Variants in GRM8 observed in about 807,000 individuals in gnomAD.
GRM8 encodes glutamate metabotropic receptor 8.
Under a neutral mutation model 87.2 loss-of-function variants are expected in GRM8, and 47 were observed. The observed-to-expected ratio is 0.54, with a 90% CI of 0.43 to 0.69. The LOEUF (loss-of-function observed/expected upper bound fraction) is 0.69. GRM8 is among the 30% of genes least tolerant of loss of function. GRM8 has a pLI of 0.00. For synonymous variants in GRM8, 396 were observed against 404.5 expected, an observed-to-expected ratio of 0.98 and a Z score of 0.25; for missense variants, 1,019 against 1,139.2, an observed-to-expected ratio of 0.89 and a Z score of 1.52.
intron 7 of GRM8, among the ~76,000 whole-genome samples, chr7:126,656,422 T>TA (rs1402457894): frequency 1.3e-5 from 2 of 152,144 alleles, no homozygotes; most frequent in Non-Finnish European, 2.9e-5. Context: ...CTCACTCCTG[T>TA]AAACCTAGCA....
At chr7:126,963,545 A>G (rs1302713472) in intron 3 of GRM8, among the ~76,000 whole-genome samples, 1 of 152,216 alleles carries the variant, frequency 6.6e-6, no homozygotes, top group Non-Finnish European at 1.5e-5. Context: ...AGAGAGCCAA[A>G]TCATGAGTGA....
intron 6 of GRM8, among the ~76,000 whole-genome samples, chr7:126,776,807 G>T (rs533880363): frequency 6.6e-6 from 1 of 152,214 alleles, no homozygotes; most frequent in South Asian, 2.1e-4. Context: ...TTAGAGAACT[G>T]AACAAGATGC....
chr7:126,841,585 T>C (rs1391172873), intron 6 of GRM8, among the ~76,000 whole-genome samples: 1 of 151,860 alleles, frequency 6.6e-6, no homozygotes, highest in African/African-American at 2.4e-5. Context: ...ATAAAAGAAA[T>C]CTGAATGAAG....
At chr7:127,024,014 T>C (rs1347474715) in intron 3 of GRM8, among the ~76,000 whole-genome samples, 3 of 152,110 alleles carry the variant, frequency 2.0e-5, no homozygotes, top group Non-Finnish European at 4.4e-5. Context: ...CCTTTTGATA[T>C]TAAAGTCTTT....
intron 8 of GRM8, among the ~76,000 whole-genome samples, chr7:126,583,171 C>A (rs1287238849): frequency 1.3e-5 from 2 of 151,990 alleles, no homozygotes; most frequent in African/African-American, 4.8e-5. Context: ...GCCTGGCCAA[C>A]ATGGTGAAAC....
intron 7 of GRM8, among the ~76,000 whole-genome samples, chr7:126,658,628 C>G (rs1804799688): frequency 6.6e-6 from 1 of 151,558 alleles, no homozygotes; most frequent in Admixed American, 6.6e-5. Flanking sequence ...ATAAGAAGAC[C>G]ACATTCTAGA....
chr7:127,220,438 CAG>C (rs1362209204), intron 2 of GRM8, among the ~76,000 whole-genome samples: 2 of 152,102 alleles, frequency 1.3e-5, no homozygotes, highest in African/African-American at 4.8e-5. Context: ...AAAATGTTGA[CAG>C]AATACAAAAA....
chr7:126,525,629 G>T (rs930238257), intron 9 of GRM8, among the ~76,000 whole-genome samples: 1 of 152,190 alleles, frequency 6.6e-6, no homozygotes, highest in Non-Finnish European at 1.5e-5. Context: ...CTTGGGTTGT[G>T]CTTCCCTTCT....
chr7:126,732,825 A>G (rs552685961), intron 7 of GRM8, among the ~76,000 whole-genome samples: 1 of 152,268 alleles, frequency 6.6e-6, no homozygotes, highest in Non-Finnish European at 1.5e-5. Flanking sequence ...TTTTCTTAAG[A>G]ATAGTTTAGG....
At chr7:127,008,411 T>C (rs1002733032) in intron 3 of GRM8, among the ~76,000 whole-genome samples, 1 of 152,222 alleles carries the variant, frequency 6.6e-6, no homozygotes, top group African/African-American at 2.4e-5. Context: ...ATGTCAACCA[T>C]CTATATTTTA....
rs1026317528 is a variant in GRM8, at chr7:126,825,212, G to A, written c.1157-55147C>T. 3.9e-5 allele frequency among the ~76,000 whole-genome samples: 6 copies of A among 151,982 alleles called. 1 individual carries two copies. The highest frequency in any genetic ancestry group is 2.0e-4 in the Admixed American group (3 of 15,250). On this transcript the variant is annotated intron_variant, in intron 6 of 10. Coordinates refer to ENST00000339582, the MANE Select transcript of GRM8 (RefSeq NM_000845.3). ...CTCCTGAGTAGCTGGGACTAAAAAT[G>A]CACACCACCATGCCTGGCTAATTTG...
At chr7:126,881,772 G>T (rs562051557) in intron 6 of GRM8, among the ~76,000 whole-genome samples, 1 of 152,270 alleles carries the variant, frequency 6.6e-6, no homozygotes, top group African/African-American at 2.4e-5. Flanking sequence ...GTAATACTCA[G>T]TTTGTATAAT....
chr7:126,797,101 A>C (rs1822036982), intron 6 of GRM8, among the ~76,000 whole-genome samples: 1 of 152,142 alleles, frequency 6.6e-6, no homozygotes. Context: ...TCTAGACTAC[A>C]GAAATGGTCA....
chr7:126,456,238 T>C (rs1442119893), intron 9 of GRM8, among the ~76,000 whole-genome samples: 1 of 151,350 alleles, frequency 6.6e-6, no homozygotes, highest in African/African-American at 2.4e-5. Flanking sequence ...AAGATCCTAG[T>C]AAGGAAAAAG....
chr7:126,673,801 T>C (rs780339835), intron 7 of GRM8, among the ~76,000 whole-genome samples: 30 of 152,168 alleles, frequency 2.0e-4, no homozygotes, highest in Non-Finnish European at 4.3e-4. Flanking sequence ...AAGGAGATAG[T>C]GGGAGAGGTA....
intron 6 of GRM8, among the ~76,000 whole-genome samples, chr7:126,786,064 T>C (rs1163954289): frequency 6.6e-6 from 1 of 152,174 alleles, no homozygotes; most frequent in African/African-American, 2.4e-5. Context: ...TCTCCTCTTA[T>C]AACTCTGTTA....
At chr7:126,913,068 A>ATT (rs1376383337) in intron 3 of GRM8, among the ~76,000 whole-genome samples, 2 of 152,224 alleles carry the variant, frequency 1.3e-5, no homozygotes, top group Non-Finnish European at 2.9e-5. Flanking sequence ...ATAAGACAAA[A>ATT]ATCTCTATTA....
intron 7 of GRM8, among the ~76,000 whole-genome samples, chr7:126,622,900 A>T (rs1013216145): frequency 6.6e-6 from 1 of 152,156 alleles, no homozygotes; most frequent in Non-Finnish European, 1.5e-5. Flanking sequence ...ATGAGTCTCA[A>T]ATTTATATGT....
intron 3 of GRM8, among the ~76,000 whole-genome samples, chr7:126,967,650 G>C (rs1810013792): frequency 6.6e-6 from 1 of 151,916 alleles, no homozygotes; most frequent in Admixed American, 6.6e-5. Flanking sequence ...GCCCCCAAAT[G>C]CAAATGCTTC....
Sources: gnomAD v4.1 joint callset for allele counts (sites outside exome capture counted in the v4.1 genomes callset) on GRCh38, gnomAD v4.1.1 for gene constraint, MANE v1.5 for transcripts, NCBI Gene and HGNC (gene_info 2026-07-23, HGNC 2026-07-21) for gene names.